Variants in FBXL13 observed in about 807,000 individuals in gnomAD.
FBXL13 encodes F-box and leucine-rich repeat protein 13.
A neutral mutation model predicts 83.6 loss-of-function variants in FBXL13; 67 were observed. The ratio of observed to expected loss-of-function variants is 0.80; its 90% confidence interval spans 0.66 to 0.98. The LOEUF (loss-of-function observed/expected upper bound fraction) is 0.98. Ranked by LOEUF, FBXL13 falls within the 50% of genes least tolerant of loss-of-function variation. The probability of loss-of-function intolerance (pLI) is 0.00; values close to 1 mark genes in which losing one functional copy is unlikely to be tolerated. For missense variants in FBXL13, 822 were observed against 866.5 expected, an observed-to-expected ratio of 0.95 and a Z score of 0.64; for synonymous variants, 272 against 299.5, an observed-to-expected ratio of 0.91 and a Z score of 0.95.
At chr7:102,955,488 G>C (rs1335201746) in intron 8 of FBXL13, among the ~76,000 whole-genome samples, 4 of 151,520 alleles carry the variant, frequency 2.6e-5, no homozygotes, top group African/African-American at 7.3e-5. Flanking sequence ...AACTAGAGAA[G>C]CAAGAGCAAA....
At chr7:102,929,448 G>A (rs1818734867) in intron 9 of FBXL13, among the ~76,000 whole-genome samples, 1 of 152,030 alleles carries the variant, frequency 6.6e-6, no homozygotes. Flanking sequence ...GATCACTTGA[G>A]CTCAGGAGTT....
intron 8 of FBXL13, among the ~76,000 whole-genome samples, chr7:102,940,570 C>T (rs1821231176): frequency 6.6e-6 from 1 of 152,122 alleles, no homozygotes; most frequent in Non-Finnish European, 1.5e-5. Flanking sequence ...ATTCATTAAG[C>T]CCCATCTTGT....
chr7:103,031,533 G>A (rs1794512113), intron 2 of FBXL13, among the ~76,000 whole-genome samples: 1 of 152,156 alleles, frequency 6.6e-6, no homozygotes, highest in South Asian at 2.1e-4. Context: ...TAAACAGCAA[G>A]TTAGTGCTGG....
intron 11 of FBXL13, among the ~76,000 whole-genome samples, chr7:102,888,905 C>G (rs895123555): frequency 6.6e-6 from 1 of 152,008 alleles, no homozygotes; most frequent in African/African-American, 2.4e-5. Flanking sequence ...TTGCTTATAA[C>G]AAAAAGTAGC....
At chr7:102,995,497 A>AAAAAAAT (rs1426271151) in intron 6 of FBXL13, among the ~76,000 whole-genome samples, 1 of 146,056 alleles carries the variant, frequency 6.8e-6, no homozygotes, top group Non-Finnish European at 1.5e-5. Context: ...AAAAAAAAAA[A>AAAAAAAT]AAAAAAATAG....
intron 11 of FBXL13, among the ~76,000 whole-genome samples, chr7:102,905,132 G>T (rs1045221060): frequency 2.6e-5 from 4 of 152,122 alleles, no homozygotes; most frequent in African/African-American, 9.7e-5. Context: ...GATCCATTTT[G>T]TCTATAGTGC....
chr7:103,007,317 G>A (rs576056759), intron 6 of FBXL13, among the ~76,000 whole-genome samples: 2 of 151,394 alleles, frequency 1.3e-5, no homozygotes, highest in South Asian at 4.2e-4. Context: ...AAAAGTCAAT[G>A]ATAAAGAGAG....
intron 2 of FBXL13, among the ~76,000 whole-genome samples, chr7:103,040,381 C>A (rs1475588656): frequency 6.6e-6 from 1 of 152,120 alleles, no homozygotes; most frequent in Non-Finnish European, 1.5e-5. Flanking sequence ...TAATGGGAGA[C>A]TTTAACACCC....
intron 2 of FBXL13, among the ~76,000 whole-genome samples, chr7:103,036,590 G>A (rs1795091044): frequency 6.6e-6 from 1 of 152,216 alleles, no homozygotes; most frequent in Non-Finnish European, 1.5e-5. Context: ...TTGGCTCACT[G>A]CAATCTCCAC....
chr7:102,988,112 A>T (rs1829187144), intron 6 of FBXL13: 1 of 152,246 alleles, frequency 6.6e-6, no homozygotes. Flanking sequence ...GGCAATGGGG[A>T]TATGTTATCC....
intron 11 of FBXL13, among the ~76,000 whole-genome samples, chr7:102,903,358 A>C (rs559949390): frequency 6.6e-6 from 1 of 152,244 alleles, no homozygotes; most frequent in African/African-American, 2.4e-5. Flanking sequence ...ATCATCTGCA[A>C]ACAAGGATAA....
chr7:102,979,917 G>A (rs544865203), intron 6 of FBXL13, among the ~76,000 whole-genome samples: 10 of 152,222 alleles, frequency 6.6e-5, no homozygotes, highest in Non-Finnish European at 1.5e-4. Context: ...AATTGAATCA[G>A]AATTTAAAAT....
chr7:102,907,965 G>A (rs1814018762), intron 11 of FBXL13, among the ~76,000 whole-genome samples: 1 of 152,174 alleles, frequency 6.6e-6, no homozygotes, highest in African/African-American at 2.4e-5. Context: ...CATTGTCGGT[G>A]GGACTGTAAA....
intron 6 of FBXL13, among the ~76,000 whole-genome samples, chr7:102,972,842 A>G (rs1227104425): frequency 6.6e-6 from 1 of 152,048 alleles, no homozygotes; most frequent in East Asian, 1.9e-4. Flanking sequence ...AAAATTTTTT[A>G]TTCCTAAAAA....
chr7:102,825,395 C>G (rs909064976), intron 18 of FBXL13, among the ~76,000 whole-genome samples: 1 of 152,152 alleles, frequency 6.6e-6, no homozygotes, highest in African/African-American at 2.4e-5. Context: ...CCTTGCCATG[C>G]GATTCCCTGC....
chr7:103,027,477 T>G, exon 5 of FBXL13: 14 of 1,612,914 alleles, frequency 8.7e-6, no homozygotes, highest in Non-Finnish European at 1.2e-5. Context: ...TTTACTCTTA[T>G]GTCTTGCTGT....
At chr7:102,950,058 T>C (rs1823169884) in intron 8 of FBXL13, among the ~76,000 whole-genome samples, 1 of 152,086 alleles carries the variant, frequency 6.6e-6, no homozygotes, top group Non-Finnish European at 1.5e-5. Flanking sequence ...TGAGCCAAGA[T>C]TGTACCACTA....
intron 2 of FBXL13, among the ~76,000 whole-genome samples, chr7:103,035,021 C>T (rs199932043): frequency 4.6e-5 from 7 of 152,208 alleles, no homozygotes; most frequent in East Asian, 3.9e-4. Context: ...TAAACAAATG[C>T]GGCTTTAGTC....
intron 6 of FBXL13, 31 bp downstream of exon 7, chr7:103,025,032 A>G (rs1793745219): frequency 4.5e-6 from 7 of 1,539,248 alleles, no homozygotes; most frequent in Non-Finnish European, 6.2e-6. Flanking sequence ...GGCAGATTAT[A>G]GTATATAATG....
Sources: allele counts gnomAD v4.1 joint callset (sites outside exome capture counted in the v4.1 genomes callset), GRCh38; gene constraint gnomAD v4.1.1; transcripts MANE v1.5; gene names NCBI Gene and HGNC (gene_info 2026-07-23, HGNC 2026-07-21).